Variants in ADGRV1 observed in about 807,000 individuals in gnomAD.
ADGRV1 encodes the protein adhesion G protein-coupled receptor V1, also known as G-protein coupled receptor 98.
A neutral mutation model predicts 596.2 loss-of-function variants in ADGRV1; 359 were observed. The ratio of observed to expected loss-of-function variants is 0.60; its 90% CI spans 0.55 to 0.66. ADGRV1 has a LOEUF of 0.66. Among genes scored for constraint, ADGRV1 ranks in the 30% least tolerant of loss-of-function variants. The pLI is 0.00. For missense variants in ADGRV1, 7,274 were observed against 7,575.6 expected (o/e 0.96, Z 1.48); for synonymous variants, 2,681 against 2,679.2 (o/e 1.00, Z -0.02).
chr5:91,085,052 G>T (rs1386295875), intron 86 of ADGRV1, among the ~76,000 whole-genome samples: 5 of 152,078 alleles, frequency 3.3e-5, no homozygotes, highest in African/African-American at 1.2e-4. Flanking sequence ...ACACAGGGTG[G>T]GGAACATCAC....
In ADGRV1 at chr5:90,694,045, C is replaced by G. The variant is rs1489758170; in HGVS notation, c.7289C>G (p.Ser2430Cys). 6 of 1,613,780 alleles carry G rather than the reference C, an allele frequency of 3.7e-6. No individual in the cohort carries two copies. The highest frequency in any genetic ancestry group is 1.7e-4 in the Middle Eastern group (1 of 6,056). The change falls in exon 33 of 90, where the codon TCT becomes TGT. Residue 2430 changes from serine to cysteine, a missense_variant. Physicochemically the swap from Ser to Cys is moderately radical, Grantham distance 112 (BLOSUM62 -1). Coordinates refer to ENST00000405460, the MANE Select transcript of ADGRV1 (RefSeq NM_032119.4). Reference sequence around the variant, plus strand: ...CTTTGGAGAACTTGGATGAATGTCTCTGCCGTGGGGGAGCCCCTGTATACC... The same window carrying G: ...CTTTGGAGAACTTGGATGAATGTCTGTGCCGTGGGGGAGCCCCTGTATACC... ...DPLWRTWMNV[S>C]AVGEPLYTCA...
intron 85 of ADGRV1, among the ~76,000 whole-genome samples, chr5:91,071,629 T>C (rs1215728132): frequency 6.6e-6 from 1 of 152,172 alleles, no homozygotes. Context: ...CAACTAACTT[T>C]TGTTGCAGAT....
At chr5:90,579,410 GT>G (rs757498999) in intron 1 of ADGRV1, among the ~76,000 whole-genome samples, 20 of 152,156 alleles carry the variant, frequency 1.3e-4, no homozygotes, top group African/African-American at 4.6e-4. Flanking sequence ...ATGTAGTTGT[GT>G]GGTTTTGAGT....
chr5:90,911,427 T>C (rs1772881546), intron 83 of ADGRV1, among the ~76,000 whole-genome samples: 1 of 152,224 alleles, frequency 6.6e-6, no homozygotes, highest in African/African-American at 2.4e-5. Flanking sequence ...CATGATCATT[T>C]ACTTTGTTTA....
At position 90,779,032 on chromosome 5, in the gene ADGRV1, T is replaced by A. The variant is rs780334804; in HGVS notation, c.13017T>A (p.Asp4339Glu). The A allele has an allele frequency of 3.7e-6, 6 of 1,613,356 alleles. No homozygotes were observed. The African/African-American group carries it at 5.3e-5, about 14-fold the overall frequency. ...AAAGTCTGCATGTTGAAATCCTTGATGATGACTATCCTGAAGGCCCAGAGG... is the reference window on the plus strand; with the variant it reads ...AAAGTCTGCATGTTGAAATCCTTGAAGATGACTATCCTGAAGGCCCAGAGG... ...MRKSLHVEIL[D>E]DDYPEGPEEF... Residue 4339 changes from aspartate to glutamate, a missense_variant, in exon 64 of 90, where the codon GAT (aspartate) becomes GAA (glutamate). Physicochemically the swap from Asp to Glu is conservative, Grantham distance 45. This residue lies in a region of ADGRV1 where 3,643 missense variants were observed against 3,809.2 expected (regional missense o/e 0.96). Coordinates refer to ENST00000405460, the MANE Select transcript of ADGRV1 (RefSeq NM_032119.4).
chr5:91,083,494 G>A (rs1022041551), intron 86 of ADGRV1, among the ~76,000 whole-genome samples: 21 of 152,108 alleles, frequency 1.4e-4, no homozygotes, highest in African/African-American at 4.3e-4. Context: ...AGAAAGTGAC[G>A]TTTTTACAAT....
chr5:91,146,909 C>T (rs1167075312), intron 87 of ADGRV1, among the ~76,000 whole-genome samples: 1 of 152,156 alleles, frequency 6.6e-6, no homozygotes, highest in Admixed American at 6.5e-5. Context: ...CACCTGTAAT[C>T]CCAGCCCTAT....
At chr5:90,757,996 A>G (rs116627141) in intron 57 of ADGRV1, among the ~76,000 whole-genome samples, 3,305 of 152,272 alleles carry the variant, frequency 0.022, 111 homozygotes, top group African/African-American at 0.075. Context: ...AAAACCCATT[A>G]TTGTTAATAT....
chr5:90,619,202 T>C, intron 4 of ADGRV1, 21 bp downstream of exon 4: 2 of 1,061,468 alleles, frequency 1.9e-6, no homozygotes, highest in Non-Finnish European at 2.7e-6. Context: ...AATTTGATGA[T>C]AATTGTGGTT....
intron 83 of ADGRV1, among the ~76,000 whole-genome samples, chr5:90,875,815 T>C (rs1433087105): frequency 6.6e-6 from 1 of 152,180 alleles, no homozygotes; most frequent in African/African-American, 2.4e-5. Flanking sequence ...ATGTCTGTGT[T>C]CCAAAGGAAT....
Position 90,684,104 on chromosome 5 carries a change from A to G in ADGRV1, c.6183A>G (p.Ser2061=). The G allele has an allele frequency of 2.5e-6, 4 of 1,613,922 alleles. No homozygotes were observed. The highest frequency in any genetic ancestry group is 3.4e-6 in the Non-Finnish European group (4 of 1,179,866). The part of the protein sequence containing the change: ...ANQSEATIAI[S]ILDDDEPERS... The stretch of plus-strand genomic sequence containing the variant: ...AGAGTGAGGCAACAATAGCTATTTC[A>G]ATTTTGGATGATGATGAGCCAGAAA... Residue 2061 remains serine, a synonymous_variant, in exon 28 of 90, where the codon TCA becomes TCG. Coordinates refer to ENST00000405460, the MANE Select transcript of ADGRV1 (RefSeq NM_032119.4).
chr5:91,087,850 G>A (rs1452922247), intron 86 of ADGRV1, among the ~76,000 whole-genome samples: 1 of 152,146 alleles, frequency 6.6e-6, no homozygotes, highest in African/African-American at 2.4e-5. Context: ...GCTAGTGAAG[G>A]CCCTCAAGTA....
intron 70 of ADGRV1, among the ~76,000 whole-genome samples, chr5:90,802,224 G>A (rs1293996885): frequency 6.6e-6 from 1 of 151,710 alleles, no homozygotes; most frequent in Non-Finnish European, 1.5e-5. Flanking sequence ...TTCTTTTTTG[G>A]GGGAGAAGGG....
Position 90,823,453 on chromosome 5 carries a change from C to G in ADGRV1, c.16225C>G (p.Arg5409Gly), listed in dbSNP as rs199806093. ...RAFEDVKVFW[R>G]VTLNKTVVVL... ...CTTTGAAGATGTCAAGGTCTTTTGGCGAGTCACACTTAACAAAACAGTCGT... is the reference window on the plus strand; with the variant it reads ...CTTTGAAGATGTCAAGGTCTTTTGGGGAGTCACACTTAACAAAACAGTCGT... Residue 5409 changes from arginine (R) to glycine (G), a missense_variant, in exon 76 of 90, where the codon CGA becomes GGA. By Grantham distance (125) the Arg-to-Gly change is moderately radical (BLOSUM62 -2). This residue lies in a region of ADGRV1 where 1,874 missense variants were observed against 1,970.2 expected (regional missense o/e 0.95). Transcript: ENST00000405460. The G allele has an allele frequency of 3.1e-6, 5 of 1,613,412 alleles. No individual in the cohort carries two copies. Among genetic ancestry groups the G allele is most frequent in the Non-Finnish European group, 4.2e-6 (5 of 1,179,706 alleles).
intron 21 of ADGRV1, among the ~76,000 whole-genome samples, chr5:90,665,692 T>G (rs1771223623): frequency 6.7e-6 from 1 of 149,686 alleles, no homozygotes; most frequent in Non-Finnish European, 1.5e-5. Flanking sequence ...TCTAGTCCTT[T>G]TAATTGTGAT....
intron 83 of ADGRV1, among the ~76,000 whole-genome samples, chr5:90,866,972 A>T (rs1768184316): frequency 6.6e-6 from 1 of 152,160 alleles, no homozygotes; most frequent in African/African-American, 2.4e-5. Flanking sequence ...GTATGATGTG[A>T]AGAAACAGCA....
chr5:91,022,738 A>G (rs1783743079), intron 85 of ADGRV1, among the ~76,000 whole-genome samples: 1 of 152,124 alleles, frequency 6.6e-6, no homozygotes, highest in Non-Finnish European at 1.5e-5. Context: ...ACCCCCATTC[A>G]TGAACAACTA....
intron 78 of ADGRV1, among the ~76,000 whole-genome samples, chr5:90,845,502 T>C (rs1350809755): frequency 6.6e-6 from 1 of 152,324 alleles, no homozygotes; most frequent in African/African-American, 2.4e-5. Context: ...AACATATTGC[T>C]TGGCTGGCTT....
At position 90,794,748 on chromosome 5, in the gene ADGRV1, G is replaced by A. The variant is rs966743116; in HGVS notation, c.14517+3402G>A. On this transcript the variant is annotated intron_variant, in intron 70 of 89. Coordinates refer to ENST00000405460, the MANE Select transcript of ADGRV1 (RefSeq NM_032119.4). ...GCTCCCAGTGAGATCGACGCAGAAG[G>A]CAGGTGATTTCTGCATTTCCAACTT... is the stretch of plus-strand genomic sequence containing the variant. Among the ~76,000 whole-genome samples the A allele has an allele frequency of 1.3e-5, 2 of 152,290 alleles. 1 individual carries two copies. Among genetic ancestry groups the A allele is most frequent in the Middle Eastern group, 6.8e-3 (2 of 294 alleles).
Sources: gnomAD v4.1 joint callset for allele counts (sites outside exome capture counted in the v4.1 genomes callset) on GRCh38, gnomAD v4.1.1 for gene constraint, gnomAD v4.1.1 regional missense constraint, MANE v1.5 for transcripts, NCBI Gene and HGNC (gene_info 2026-07-23, HGNC 2026-07-21) for gene names.